MATK: variants seen among roughly 807,000 people sequenced by gnomAD.
MATK encodes megakaryocyte-associated tyrosine kinase, also known as megakaryocyte-associated tyrosine-protein kinase.
MATK carries 41 observed loss-of-function variants against 59.8 expected under a neutral mutation model. That is an observed-to-expected ratio of 0.69 (90% CI 0.53 to 0.89). MATK has a LOEUF of 0.89. MATK is among the 40% of genes least tolerant of loss of function. The pLI is 0.00. For synonymous variants in MATK, 308 were observed against 306.1 expected (o/e 1.01, Z -0.06); for missense variants, 593 against 719.6 (o/e 0.82, Z 2.01).
Position 3,778,497 on chromosome 19 carries a change from AC to A in MATK, c.1284+11del, listed in dbSNP as rs1355390455. Reference sequence around the variant, plus strand: ...GCCCGGAACCCAGTGCCTCCCTGGGACCCCCGCTCACCATTTTAGGGTACGG... The same window carrying A: ...GCCCGGAACCCAGTGCCTCCCTGGGACCCCGCTCACCATTTTAGGGTACGG... On this transcript the variant is annotated intron_variant, in intron 13 of 13. Transcript: ENST00000310132. 9 of 1,613,564 alleles carry A rather than the reference AC, an allele frequency of 5.6e-6. No homozygotes were observed. The South Asian group carries it at 8.8e-5, about 16-fold the overall frequency.
chr19:3,781,921 G>A (rs987851855), intron 7 of MATK, among the ~76,000 whole-genome samples: 1 of 152,166 alleles, frequency 6.6e-6, no homozygotes, highest in African/African-American at 2.4e-5. Flanking sequence ...CTTACAGGAG[G>A]GATAGTGGTG....
Position 3,779,405 on chromosome 19 carries a change from T to C in MATK, c.974A>G (p.Asn325Ser). ...AGAAAACTGCAGGAGCTGAGCGGTGTTCACGAGGGCTCGACCCCGGGTCCG... is the reference window on the plus strand; with the variant it reads ...AGAAAACTGCAGGAGCTGAGCGGTGCTCACGAGGGCTCGACCCCGGGTCCG... ...FLRTRGRALVNTAQLLQFSLH... is the reference protein window; with the variant it reads ...FLRTRGRALVSTAQLLQFSLH... The change falls in exon 11 of 14, where the codon AAC (asparagine) becomes AGC (serine). Residue 325 changes from asparagine (N) to serine (S), a missense_variant. By Grantham distance (46) the Asn-to-Ser change is conservative. Coordinates refer to ENST00000310132, the MANE Select transcript of MATK (RefSeq NM_139355.3). The C allele has an allele frequency of 1.2e-6, 2 of 1,613,292 alleles. No homozygotes were observed. Among genetic ancestry groups the C allele is most frequent in the East Asian group, 4.5e-5 (2 of 44,880 alleles).
intron 1 of MATK, chr19:3,793,281 C>T (rs35751042): frequency 6.6e-6 from 1 of 152,316 alleles, no homozygotes; most frequent in East Asian, 1.9e-4. Flanking sequence ...TTAAAAGCTT[C>T]CCGGCTGGGC....
At position 3,785,131 on chromosome 19, in the gene MATK, G is replaced by A. The variant is rs774584750; in HGVS notation, c.5C>T (p.Ala2Val). ...CCAGGAAACCAGAGAGCCTCGCCCCGCCATCGCCCCCAGAGGGAAACTGAG... is the reference window on the plus strand; with the variant it reads ...CCAGGAAACCAGAGAGCCTCGCCCCACCATCGCCCCCAGAGGGAAACTGAG... M[A>V]GRGSLVSWRA... The change falls in exon 2 of 14, where the codon GCG becomes GTG. Residue 2 changes from alanine (A) to valine (V), a missense_variant. Ala to Val is a moderately conservative substitution (Grantham distance 64). Coordinates refer to ENST00000310132, the MANE Select transcript of MATK (RefSeq NM_139355.3). 124 of 1,613,908 alleles carry A rather than the reference G, an allele frequency of 7.7e-5. No individual in the cohort carries two copies. The highest frequency in any genetic ancestry group is 2.1e-4 in the South Asian group (19 of 91,084).
Position 3,778,987 on chromosome 19 carries a change from C to T in MATK, c.1197+5G>A. On this transcript the variant is annotated splice_donor_5th_base_variant and intron_variant, in intron 12 of 13. Transcript: ENST00000310132. Reference sequence around the variant, plus strand: ...GCCCCAGGGGTATGTGAAGGCAGGGCTCACCCCGTGTTTGAGAGCCTCGGG... The same window carrying T: ...GCCCCAGGGGTATGTGAAGGCAGGGTTCACCCCGTGTTTGAGAGCCTCGGG... 2 of 1,546,928 alleles carry T rather than the reference C, an allele frequency of 1.3e-6. No individual in the cohort carries two copies. The highest frequency in any genetic ancestry group is 1.7e-6 in the Non-Finnish European group (2 of 1,151,180).
At chr19:3,798,139 C>T (rs1599209675) in intron 1 of MATK, among the ~76,000 whole-genome samples, 1 of 152,146 alleles carries the variant, frequency 6.6e-6, no homozygotes, top group Non-Finnish European at 1.5e-5. Context: ...TATGAGCTCT[C>T]CGAGGATAAG....
intron 1 of MATK, among the ~76,000 whole-genome samples, chr19:3,793,714 A>G (rs1014534051): frequency 2.0e-5 from 3 of 149,754 alleles, no homozygotes; most frequent in African/African-American, 4.9e-5. Context: ...AGAAAAAAAA[A>G]AAAAATTAGC....
intron 1 of MATK, among the ~76,000 whole-genome samples, chr19:3,792,719 T>G (rs1321267938): frequency 6.6e-6 from 1 of 152,118 alleles, no homozygotes; most frequent in Non-Finnish European, 1.5e-5. Context: ...GGTTTCACCA[T>G]GTTGGCCAGG....
At chr19:3,779,917 C>T (rs968023084) in intron 8 of MATK, 120 bp from the exon 9 acceptor site, 6 of 692,092 alleles carry the variant, frequency 8.7e-6, no homozygotes, top group Non-Finnish European at 1.6e-5. Flanking sequence ...GCTGCGGGTC[C>T]CCAGACCTTG....
chr19:3,790,608 TCTC>T (rs1287498749), upstream of MATK, among the ~76,000 whole-genome samples: 4 of 152,128 alleles, frequency 2.6e-5, no homozygotes, highest in Non-Finnish European at 1.5e-5. Flanking sequence ...GGTCCCATTT[TCTC>T]CTCCTCCCTC....
At chr19:3,781,513 T>C (rs2037401543) in intron 8 of MATK, 94 bp downstream of exon 8, 1 of 1,327,120 alleles carries the variant, frequency 7.5e-7, no homozygotes, top group Admixed American at 1.7e-5. Flanking sequence ...TAGTAGGTGG[T>C]TAAGTATGGG....
intron 8 of MATK, 110 bp downstream of exon 8, chr19:3,781,497 C>T: frequency 8.7e-7 from 1 of 1,151,600 alleles, no homozygotes. Context: ...TCTTCAGCTG[C>T]ACAACTAGTA....
intron 3 of MATK, 100 bp downstream of exon 3, chr19:3,784,718 AAGGGGGT>A: frequency 1.3e-6 from 1 of 776,344 alleles, no homozygotes; most frequent in Non-Finnish European, 2.2e-6. Context: ...AGGCCAGCAG[AAGGGGGT>A]AGGGGGCAGA....
Position 3,779,628 on chromosome 19 carries a change from T to C in MATK, c.843-11A>G, listed in dbSNP as rs941861479. On this transcript the variant is annotated splice_polypyrimidine_tract_variant and intron_variant, in intron 9 of 13. Coordinates refer to ENST00000310132, the MANE Select transcript of MATK (RefSeq NM_139355.3). The stretch of plus-strand genomic sequence containing the variant: ...TCGTGTTGCATCTTCCTGGGGGCGG[T>C]GGGGTGGGCGTGAGGGCAGGGCTGG... 2 of 1,610,948 alleles carry C rather than the reference T, an allele frequency of 1.2e-6. No homozygotes were observed. Among genetic ancestry groups the C allele is most frequent in the African/African-American group, 2.7e-5 (2 of 74,470 alleles).
chr19:3,791,095 TTC>T (rs2037537204), upstream of MATK, among the ~76,000 whole-genome samples: 1 of 151,956 alleles, frequency 6.6e-6, no homozygotes, highest in Non-Finnish European at 1.5e-5. Flanking sequence ...CCCGAGGGGG[TTC>T]TGCTGCTTAC....
intron 3 of MATK, 176 bp downstream of exon 3, chr19:3,784,649 A>C (rs2037453694): frequency 3.0e-6 from 2 of 677,510 alleles, no homozygotes; most frequent in South Asian, 3.4e-5. Context: ...AGAGTCACAA[A>C]GAGAGGCGGC....
chr19:3,780,700 G>A (rs2037388275), intron 8 of MATK, among the ~76,000 whole-genome samples: 1 of 151,744 alleles, frequency 6.6e-6, no homozygotes, highest in Admixed American at 6.6e-5. Flanking sequence ...CCAAAGTGCT[G>A]GGATTACAGG....
chr19:3,785,041 C>T, intron 2 of MATK, 23 bp downstream of exon 2: 1 of 1,610,864 alleles, frequency 6.2e-7, no homozygotes, highest in Non-Finnish European at 8.5e-7. Context: ...CTCCCCAAGC[C>T]CCTGTGGGGA....
At chr19:3,800,516 G>T (rs2037633549) in intron 1 of MATK, among the ~76,000 whole-genome samples, 1 of 151,670 alleles carries the variant, frequency 6.6e-6, no homozygotes, top group Non-Finnish European at 1.5e-5. Context: ...CGTGGTGGCA[G>T]GTGCCTGTAA....
Sources: allele counts gnomAD v4.1 joint callset (sites outside exome capture counted in the v4.1 genomes callset), GRCh38; gene constraint gnomAD v4.1.1; transcripts MANE v1.5; gene names NCBI Gene and HGNC (gene_info 2026-07-23, HGNC 2026-07-21).